The following ADARB2 variants were observed in gnomAD, a reference collection of about 807,000 sequenced individuals.
ADARB2 encodes inactive double-stranded RNA-specific editase B2.
A neutral mutation model predicts 62.2 loss-of-function variants in ADARB2; 25 were observed. The ratio of observed to expected loss-of-function variants is 0.40; its 90% CI spans 0.29 to 0.56. The LOEUF (loss-of-function observed/expected upper bound fraction) is 0.56, where lower values mean the gene tolerates loss of function less well. Among genes scored for constraint, ADARB2 ranks in the 20% least tolerant of loss-of-function variants. ADARB2 has a pLI of 0.43. For synonymous variants in ADARB2, 572 were observed against 500.8 expected (o/e 1.14, Z -1.90); for missense variants, 1,071 against 1,077.4 (o/e 0.99, Z 0.08).
intron 1 of ADARB2, among the ~76,000 whole-genome samples, chr10:1,444,156 A>G (rs935932006): frequency 2.6e-5 from 4 of 151,302 alleles, no homozygotes; most frequent in African/African-American, 9.7e-5. Flanking sequence ...TCATTCATCC[A>G]TCCATCCACC....
Position 1,615,243 on chromosome 10 carries a change from C to T in ADARB2, c.100+121808G>A, listed in dbSNP as rs150679503. On this transcript the variant is annotated intron_variant, in intron 1 of 9. Transcript: ENST00000381312. The stretch of plus-strand genomic sequence containing the variant: ...CTGCCTCCAGGTTCACTCTCCACTG[C>T]CTGCCCCACCTTGGAGCCAATGCCA... Among the ~76,000 whole-genome samples the T allele has an allele frequency of 5.3e-5, 8 of 152,340 alleles. No homozygotes were observed. The East Asian group carries it at 1.5e-3, about 29-fold the overall frequency.
In ADARB2 at chr10:1,737,266, G is replaced by A; in HGVS notation, c.-116C>T. 9.4e-7 allele frequency: 1 copy of A among 1,062,400 alleles called. No individual in the cohort carries two copies. The highest frequency in any genetic ancestry group is 1.4e-6 in the Non-Finnish European group (1 of 715,618). 65.8% of individuals were successfully genotyped at this position (1,062,400 alleles called of 1,614,324 possible). ...AGCTTGAGGTTGCAAACCCGGGAGC[G>A]GCTCACTTTTCAGGACTGAGCAGGA... On this transcript the variant is annotated 5_prime_UTR_variant, in exon 1 of 10. Coordinates refer to ENST00000381312, the MANE Select transcript of ADARB2 (RefSeq NM_018702.4).
chr10:1,317,702 C>T (rs1052977605), intron 3 of ADARB2, among the ~76,000 whole-genome samples: 15 of 148,722 alleles, frequency 1.0e-4, no homozygotes, highest in African/African-American at 2.5e-4. Flanking sequence ...GCTCCGTGCC[C>T]CTGGGTCCCC....
chr10:1,235,068 C>G lies in ADARB2; in HGVS notation c.1362-1223G>C, dbSNP rs112486851. Among the ~76,000 whole-genome samples the G allele has an allele frequency of 5.8e-4, 89 of 152,246 alleles. 1 individual carries two copies. The highest frequency in any genetic ancestry group is 2.1e-3 in the African/African-American group (86 of 41,556). ...GGCCCCACCATGATCTTTTACCAAGCCATTTTTTCCCACTGCTGTTCGCCC... is the reference window on the plus strand; with the variant it reads ...GGCCCCACCATGATCTTTTACCAAGGCATTTTTTCCCACTGCTGTTCGCCC... On this transcript the variant is annotated intron_variant, in intron 5 of 9. Coordinates refer to ENST00000381312, the MANE Select transcript of ADARB2 (RefSeq NM_018702.4).
rs573557364 is a variant in ADARB2, at chr10:1,696,248, C to T, written c.100+40803G>A. Among the ~76,000 whole-genome samples, 10 of 151,690 alleles carry T rather than the reference C, an allele frequency of 6.6e-5. No individual in the cohort carries two copies. In the East Asian group the frequency reaches 9.7e-4, roughly 15 times the overall value. ...GCGTATATGCATGTTTGTGTGTGCA[C>T]ATGTGCATTGTGTATGTGCCTGTTT... is the stretch of plus-strand genomic sequence containing the variant. On this transcript the variant is annotated intron_variant, in intron 1 of 9. Transcript: ENST00000381312.
intron 1 of ADARB2, among the ~76,000 whole-genome samples, chr10:1,586,616 T>C (rs974573599): frequency 2.0e-5 from 3 of 152,214 alleles, no homozygotes; most frequent in Non-Finnish European, 2.9e-5. Context: ...GTTAGATCTT[T>C]CTCAACACCT....
chr10:1,495,769 TATC>T (rs147211110), intron 1 of ADARB2, among the ~76,000 whole-genome samples: 23,384 of 150,882 alleles, frequency 0.15, 2,150 homozygotes, highest in Middle Eastern at 0.24. Context: ...TTATCATTGT[TATC>T]ATCATCATCA....
Position 1,736,881 on chromosome 10 carries a change from A to T in ADARB2, c.100+170T>A, listed in dbSNP as rs555574087. Among the ~76,000 whole-genome samples the T allele has an allele frequency of 2.0e-5, 3 of 152,304 alleles. No homozygotes were observed. The East Asian group carries it at 5.8e-4, about 29-fold the overall frequency. Reference sequence around the variant, plus strand: ...CCCTCTGGGCAAGAGGAGGCCCCAGACATTTCCACGGGATCTGAACTCCCG... The same window carrying T: ...CCCTCTGGGCAAGAGGAGGCCCCAGTCATTTCCACGGGATCTGAACTCCCG... On this transcript the variant is annotated intron_variant, in intron 1 of 9. Transcript: ENST00000381312.
intron 1 of ADARB2, among the ~76,000 whole-genome samples, chr10:1,619,716 C>T (rs2132026242): frequency 6.6e-6 from 1 of 152,264 alleles, no homozygotes; most frequent in South Asian, 2.1e-4. Flanking sequence ...TCCCAAAGTG[C>T]TGGGATTACA....
At chr10:1,532,822 C>A (rs1429227067) in intron 1 of ADARB2, among the ~76,000 whole-genome samples, 1 of 152,172 alleles carries the variant, frequency 6.6e-6, no homozygotes, top group Non-Finnish European at 1.5e-5. Context: ...TGTGCAGGTG[C>A]CCGCAGGCGA....
chr10:1,639,358 T>C (rs1833951754), intron 1 of ADARB2, among the ~76,000 whole-genome samples: 1 of 152,192 alleles, frequency 6.6e-6, no homozygotes, highest in Non-Finnish European at 1.5e-5. Context: ...CCCAGAGCCT[T>C]CAGGAATGTC....
chr10:1,205,596 A>G (rs903881911), intron 7 of ADARB2, among the ~76,000 whole-genome samples: 3 of 152,228 alleles, frequency 2.0e-5, no homozygotes, highest in African/African-American at 7.2e-5. Flanking sequence ...AAAAATTCAC[A>G]TGGAATCCTC....
intron 4 of ADARB2, among the ~76,000 whole-genome samples, chr10:1,258,095 C>A (rs999674567): frequency 2.0e-5 from 3 of 152,118 alleles, no homozygotes; most frequent in African/African-American, 7.2e-5. Context: ...TTTCTTCCTT[C>A]TCCTTCCCTT....
At chr10:1,342,986 G>A (rs142496564) in intron 3 of ADARB2, among the ~76,000 whole-genome samples, 2 of 152,328 alleles carry the variant, frequency 1.3e-5, no homozygotes, top group South Asian at 2.1e-4. Flanking sequence ...GATAAAAAAT[G>A]CTTTTGCAGA....
intron 1 of ADARB2, among the ~76,000 whole-genome samples, chr10:1,627,759 A>G (rs1285129396): frequency 1.3e-5 from 2 of 151,976 alleles, no homozygotes; most frequent in Non-Finnish European, 2.9e-5. Flanking sequence ...TCCCAGAGTG[A>G]TTTCTTTCCT....
chr10:1,532,208 C>T (rs544051244), intron 1 of ADARB2, among the ~76,000 whole-genome samples: 4 of 149,284 alleles, frequency 2.7e-5, no homozygotes, highest in South Asian at 4.2e-4. Flanking sequence ...TGTATCAGCC[C>T]GCACCATTCC....
chr10:1,504,836 G>C (rs1831816969), intron 1 of ADARB2, among the ~76,000 whole-genome samples: 1 of 152,018 alleles, frequency 6.6e-6, no homozygotes, highest in African/African-American at 2.4e-5. Flanking sequence ...TGCTGTGCCT[G>C]GCACTCTTTT....
In ADARB2 at chr10:1,323,272, T is replaced by C. The variant is rs563622413; in HGVS notation, c.1077+39756A>G. Among the ~76,000 whole-genome samples the C allele has an allele frequency of 1.8e-4, 27 of 146,194 alleles. No homozygotes were observed. In the East Asian group the frequency reaches 5.3e-3, roughly 29 times the overall value. ...TTGTAAAAAAAAAAAAAAAAAACAC[T>C]GTTAGGATATGTATGACGAAAATTA... On this transcript the variant is annotated intron_variant, in intron 3 of 9. Coordinates refer to ENST00000381312, the MANE Select transcript of ADARB2 (RefSeq NM_018702.4).
intron 1 of ADARB2, among the ~76,000 whole-genome samples, chr10:1,602,088 G>C (rs761565798): frequency 1.3e-4 from 20 of 152,152 alleles, no homozygotes; most frequent in Non-Finnish European, 2.5e-4. Flanking sequence ...GGCTCAGAGG[G>C]CCTGAAGCTG....
Sources: allele counts gnomAD v4.1 joint callset (sites outside exome capture counted in the v4.1 genomes callset), GRCh38; gene constraint gnomAD v4.1.1; transcripts MANE v1.5; gene names NCBI Gene and HGNC (gene_info 2026-07-23, HGNC 2026-07-21).